MYCBP2: variants seen among roughly 807,000 people sequenced by gnomAD.
The protein encoded by MYCBP2 is E3 ubiquitin-protein ligase MYCBP2.
MYCBP2 carries 120 observed loss-of-function variants against 525.3 expected under a neutral mutation model. The observed-to-expected ratio is 0.23, with a 90% CI of 0.20 to 0.27. The LOEUF is 0.27. Ranked by LOEUF, MYCBP2 falls within the 10% of genes least tolerant of loss-of-function variation. The probability of loss-of-function intolerance (pLI) is 1.00; values close to 1 mark genes in which losing one functional copy is unlikely to be tolerated. For missense variants in MYCBP2, 4,149 were observed against 5,657.1 expected (o/e 0.73, Z 8.55); for synonymous variants, 1,894 against 1,955.8 (o/e 0.97, Z 0.83).
rs1004611113 is a variant in MYCBP2, at chr13:77,220,835, C to T, written c.2940-2878G>A. The stretch of plus-strand genomic sequence containing the variant: ...GGTAACTGAGTGCTTAAGACTGAAG[C>T]GGTCTTGATGAATATCTAATCCACT... On this transcript the variant is annotated intron_variant, in intron 20 of 82. Transcript: ENST00000544440. Among the ~76,000 whole-genome samples the T allele has an allele frequency of 3.9e-5, 6 of 152,222 alleles. No homozygotes were observed. In the South Asian group the frequency reaches 6.2e-4, roughly 16 times the overall value.
intron 69 of MYCBP2, among the ~76,000 whole-genome samples, chr13:77,069,208 T>C (rs912896658): frequency 1.6e-4 from 25 of 152,358 alleles, no homozygotes; most frequent in African/African-American, 5.8e-4. Flanking sequence ...AGATTCACAA[T>C]ACTGAAATTA....
At chr13:77,109,120 AT>A (rs1257756577) in intron 55 of MYCBP2, among the ~76,000 whole-genome samples, 1 of 152,192 alleles carries the variant, frequency 6.6e-6, no homozygotes, top group Non-Finnish European at 1.5e-5. Flanking sequence ...TGTTTCCTTT[AT>A]TCTTATGTGG....
chr13:77,121,606 G>A, intron 54 of MYCBP2, 111 bp from the exon 55 acceptor site: 4 of 1,061,050 alleles, frequency 3.8e-6, no homozygotes, highest in Non-Finnish European at 1.3e-6. Context: ...TTTAAAATAA[G>A]CTCACATCTA....
chr13:77,321,851 G>T (rs2081675078), intron 1 of MYCBP2, among the ~76,000 whole-genome samples: 1 of 152,168 alleles, frequency 6.6e-6, no homozygotes, highest in Admixed American at 6.5e-5. Context: ...AGGGCCAATG[G>T]TTAGTGCCAA....
intron 30 of MYCBP2, among the ~76,000 whole-genome samples, chr13:77,187,008 C>G (rs1248993923): frequency 6.6e-6 from 1 of 151,938 alleles, no homozygotes; most frequent in East Asian, 1.9e-4. Flanking sequence ...GGGGGTTTCA[C>G]TATATTGCCC....
At chr13:77,225,203 A>G (rs950312028) in intron 19 of MYCBP2, among the ~76,000 whole-genome samples, 1 of 152,210 alleles carries the variant, frequency 6.6e-6, no homozygotes. Flanking sequence ...TTATAAAAGA[A>G]GTCCACAGGA....
rs776807725 is a variant in MYCBP2, at chr13:77,270,370, C to T, written c.1114G>A (p.Asp372Asn). ...DEDDQCLLQN[D>N]GFFLYLLCKD... Reference sequence around the variant, plus strand: ...CATAATAGATAAAGAAAAAATCCATCATTCTGAAGTAGACATTGGTCATCT... The same window carrying T: ...CATAATAGATAAAGAAAAAATCCATTATTCTGAAGTAGACATTGGTCATCT... The change falls in exon 6 of 83, where the codon GAT becomes AAT. Residue 372 changes from aspartate (D) to asparagine (N), a missense_variant. Transcript: ENST00000544440. The T allele has an allele frequency of 2.5e-6, 4 of 1,613,640 alleles. No individual in the cohort carries two copies. Among genetic ancestry groups the T allele is most frequent in the Non-Finnish European group, 3.4e-6 (4 of 1,179,792 alleles).
intron 26 of MYCBP2, among the ~76,000 whole-genome samples, chr13:77,200,658 C>T (rs2062409565): frequency 6.6e-6 from 1 of 152,058 alleles, no homozygotes; most frequent in African/African-American, 2.4e-5. Flanking sequence ...TCGGGTTACC[C>T]TCAAAGGGAA....
intron 62 of MYCBP2, among the ~76,000 whole-genome samples, chr13:77,083,696 A>G (rs2043717978): frequency 6.6e-6 from 1 of 152,262 alleles, no homozygotes; most frequent in South Asian, 2.1e-4. Flanking sequence ...GTAGGGGTTG[A>G]ATTTCATTTC....
In MYCBP2 at chr13:77,251,234, G is replaced by A. The variant is rs745743708; in HGVS notation, c.2298C>T (p.Cys766=). The A allele has an allele frequency of 1.2e-6, 2 of 1,614,188 alleles. No individual in the cohort carries two copies. The highest frequency in any genetic ancestry group is 1.7e-6 in the Non-Finnish European group (2 of 1,180,030). ...PGMHKWKLEQ[C]MVCTVCGDCT... ...AGTCTCCACAGACAGTGCAAACCAT[G>A]CACTGCTCCAGCTTCCATTTGTGCA... The change falls in exon 15 of 83, where the codon TGC becomes TGT. Residue 766 remains cysteine (C), a synonymous_variant. Transcript: ENST00000544440.
At chr13:77,055,827 T>G in intron 79 of MYCBP2, 60 bp from the exon 80 acceptor site, 1 of 1,213,194 alleles carries the variant, frequency 8.2e-7, no homozygotes, top group Non-Finnish European at 1.2e-6. Context: ...CAACAAACAC[T>G]TAGCATGCAC....
intron 34 of MYCBP2, among the ~76,000 whole-genome samples, chr13:77,179,725 T>A (rs905527062): frequency 1.3e-5 from 2 of 152,080 alleles, no homozygotes; most frequent in Admixed American, 1.3e-4. Context: ...GTCGGTTGAG[T>A]GGGCAGAGCT....
intron 18 of MYCBP2, among the ~76,000 whole-genome samples, chr13:77,229,235 G>A (rs1446285628): frequency 6.6e-6 from 1 of 152,170 alleles, no homozygotes; most frequent in Non-Finnish European, 1.5e-5. Context: ...AGGTTCCTAT[G>A]AGAATTAAAT....
chr13:77,192,671 G>A (rs1473203096), intron 27 of MYCBP2, among the ~76,000 whole-genome samples: 1 of 152,188 alleles, frequency 6.6e-6, no homozygotes, highest in African/African-American at 2.4e-5. Context: ...CTGTAGAAGA[G>A]TAGTGGTAGA....
chr13:77,096,937 G>C (rs1033764047), intron 56 of MYCBP2, among the ~76,000 whole-genome samples: 1 of 152,120 alleles, frequency 6.6e-6, no homozygotes, highest in African/African-American at 2.4e-5. Context: ...TACATTTACT[G>C]AAAATGCAGT....
intron 55 of MYCBP2, among the ~76,000 whole-genome samples, chr13:77,109,497 A>G (rs1478979667): frequency 6.6e-6 from 1 of 152,230 alleles, no homozygotes; most frequent in Non-Finnish European, 1.5e-5. Context: ...CTGCTCTAAC[A>G]AACACTGAGA....
At chr13:77,110,373 C>T (rs2048613661) in intron 55 of MYCBP2, among the ~76,000 whole-genome samples, 1 of 149,774 alleles carries the variant, frequency 6.7e-6, no homozygotes, top group East Asian at 1.9e-4. Context: ...GGGGAAAAAA[C>T]CCCACCCTGG....
At chr13:77,320,952 C>T (rs1022026653) in intron 1 of MYCBP2, among the ~76,000 whole-genome samples, 1 of 152,258 alleles carries the variant, frequency 6.6e-6, no homozygotes, top group Admixed American at 6.5e-5. Context: ...TGATTTGCAG[C>T]GGTCAGTAAC....
rs777163339 is a variant in MYCBP2 at position 77,188,925 on chromosome 13, C to T, written c.4251+26G>A. The T allele has an allele frequency of 1.9e-6, 3 of 1,546,110 alleles. No individual in the cohort carries two copies. The East Asian group carries it at 7.1e-5, about 36-fold the overall frequency. ...TGTATCTGAGGACTGAAGAGAAAAG[C>T]TGAAATTTTTTAAAACATGGCTTAC... is the stretch of plus-strand genomic sequence containing the variant. On this transcript the variant is annotated intron_variant, in intron 30 of 82. Coordinates refer to ENST00000544440, the MANE Select transcript of MYCBP2 (RefSeq NM_015057.5).
Sources: gnomAD v4.1 joint callset for allele counts (sites outside exome capture counted in the v4.1 genomes callset) on GRCh38, gnomAD v4.1.1 for gene constraint, MANE v1.5 for transcripts, NCBI Gene and HGNC (gene_info 2026-07-23, HGNC 2026-07-21) for gene names.